TENM2: variants seen among roughly 807,000 people sequenced by gnomAD.
The protein encoded by TENM2 is teneurin transmembrane protein 2.
A neutral mutation model predicts 245.2 loss-of-function variants in TENM2; 52 were observed. The observed-to-expected ratio is 0.21, with a 90% CI of 0.17 to 0.27. The LOEUF (loss-of-function observed/expected upper bound fraction) is 0.27. Among genes scored for constraint, TENM2 ranks in the 10% least tolerant of loss-of-function variants. The pLI is 1.00. For synonymous variants in TENM2, 1,363 were observed against 1,438.9 expected, an observed-to-expected ratio of 0.95 and a Z score of 1.19; for missense variants, 3,046 against 3,666.8, an observed-to-expected ratio of 0.83 and a Z score of 4.37.
chr5:168,238,485 A>G (rs2152670817), intron 25 of TENM2, among the ~76,000 whole-genome samples: 1 of 152,234 alleles, frequency 6.6e-6, no homozygotes, highest in East Asian at 1.9e-4. Context: ...TCAAAGCAGG[A>G]TGGGCAAAGG....
intron 1 of TENM2, among the ~76,000 whole-genome samples, chr5:167,348,593 G>C (rs1234231827): frequency 6.6e-6 from 1 of 152,118 alleles, no homozygotes; most frequent in Non-Finnish European, 1.5e-5. Flanking sequence ...CAGTCTACAG[G>C]ATTAAAAAAC....
At chr5:167,391,647 A>AAAAAAAAAAAAAAAAAAAAAAAAAAAT (rs70976420) in intron 2 of TENM2, among the ~76,000 whole-genome samples, 2 of 126,838 alleles carry the variant, frequency 1.6e-5, no homozygotes. Context: ...AAAAAAAAAA[A>AAAAAAAAAAAAAAAAAAAAAAAAAAAT]GCACTCTCAA....
In TENM2 at chr5:167,541,547, A is replaced by C. The variant is rs901829156; in HGVS notation, c.502+166074A>C. On this transcript the variant is annotated intron_variant, in intron 2 of 28. Transcript: ENST00000518659. ...TTAATCAACACACACACACATAAAGAGAGATAGCCGTCTCACTTCAGTGTT... is the reference window on the plus strand; with the variant it reads ...TTAATCAACACACACACACATAAAGCGAGATAGCCGTCTCACTTCAGTGTT... Among the ~76,000 whole-genome samples, 3 of 152,194 alleles carry C rather than the reference A, an allele frequency of 2.0e-5. No individual in the cohort carries two copies. In the East Asian group the frequency reaches 5.8e-4, roughly 29 times the overall value.
chr5:168,146,931 C>T (rs1244499168), intron 12 of TENM2, among the ~76,000 whole-genome samples: 3 of 152,224 alleles, frequency 2.0e-5, no homozygotes, highest in Non-Finnish European at 2.9e-5. Context: ...TCAGGGGACC[C>T]CCCCTTCACC....
the TENM2 span, among the ~76,000 whole-genome samples, chr5:167,128,990 A>T: frequency 6.6e-6 from 1 of 152,190 alleles, no homozygotes; most frequent in African/African-American, 2.4e-5. Flanking sequence ...TCTGATAGTG[A>T]GTTCTGGTCT....
intron 1 of TENM2, among the ~76,000 whole-genome samples, chr5:167,312,177 A>G (rs922617443): frequency 7.9e-5 from 12 of 152,216 alleles, no homozygotes; most frequent in Non-Finnish European, 1.5e-4. Context: ...CACATGTAAC[A>G]TATTACACAT....
At chr5:167,430,566 T>C (rs1361551083) in intron 2 of TENM2, among the ~76,000 whole-genome samples, 1 of 152,160 alleles carries the variant, frequency 6.6e-6, no homozygotes, top group East Asian at 1.9e-4. Context: ...TTAGCTATTC[T>C]CCGCTGGAAG....
the TENM2 span, among the ~76,000 whole-genome samples, chr5:166,996,890 A>G: frequency 6.6e-6 from 1 of 152,330 alleles, no homozygotes; most frequent in South Asian, 2.1e-4. Context: ...CTGATCCATG[A>G]AGGCAAGTTG....
intron 2 of TENM2, among the ~76,000 whole-genome samples, chr5:167,477,761 A>G (rs895764378): frequency 1.3e-5 from 2 of 152,166 alleles, no homozygotes; most frequent in Non-Finnish European, 2.9e-5. Context: ...GCCCACCAAA[A>G]AAATAGAGGA....
At chr5:167,777,396 AATTT>A (rs1434680083) in intron 2 of TENM2, among the ~76,000 whole-genome samples, 6 of 152,384 alleles carry the variant, frequency 3.9e-5, no homozygotes, top group African/African-American at 9.6e-5. Flanking sequence ...TCATTTAATT[AATTT>A]ATTTTTTAAT....
At chr5:167,484,082 C>T (rs756430986) in intron 2 of TENM2, among the ~76,000 whole-genome samples, 5 of 152,136 alleles carry the variant, frequency 3.3e-5, no homozygotes, top group Non-Finnish European at 5.9e-5. Flanking sequence ...CGTGGTGGCT[C>T]ACGCCTGTAA....
intron 2 of TENM2, among the ~76,000 whole-genome samples, chr5:167,563,958 T>G (rs2080975): frequency 0.57 from 86,972 of 151,646 alleles, 25,668 homozygotes; most frequent in Middle Eastern, 0.69. Flanking sequence ...GCCTAAGGAT[T>G]CATGTCTCAG....
intron 2 of TENM2, among the ~76,000 whole-genome samples, chr5:167,815,254 G>A (rs577075238): frequency 1.3e-5 from 2 of 152,130 alleles, no homozygotes; most frequent in African/African-American, 2.4e-5. Context: ...CACCTCAAAA[G>A]AGTGGACGCT....
intron 7 of TENM2, among the ~76,000 whole-genome samples, chr5:168,083,587 CAAGTCTCCCACTCTT>C (rs1792188000): frequency 6.6e-6 from 1 of 152,122 alleles, no homozygotes; most frequent in Non-Finnish European, 1.5e-5. Flanking sequence ...ACTCCAGTGA[CAAGTCTCCCACTCTT>C]AAGTGTTGGA....
chr5:167,724,620 G>A (rs1759863812), intron 2 of TENM2, among the ~76,000 whole-genome samples: 1 of 152,084 alleles, frequency 6.6e-6, no homozygotes, highest in South Asian at 2.1e-4. Context: ...TAGGCCCAGG[G>A]AAATGAAATA....
intron 2 of TENM2, among the ~76,000 whole-genome samples, chr5:167,667,392 T>A (rs1417428731): frequency 1.3e-5 from 2 of 152,160 alleles, no homozygotes; most frequent in Admixed American, 1.3e-4. Context: ...GCATCTCTCT[T>A]TTTTCATCAG....
chr5:167,022,404 AGATG>A, the TENM2 span, among the ~76,000 whole-genome samples: 1 of 152,238 alleles, frequency 6.6e-6, no homozygotes, highest in African/African-American at 2.4e-5. Flanking sequence ...CATGGTTAAA[AGATG>A]GATTTCAGAG....
chr5:166,990,465 C>T, the TENM2 span, among the ~76,000 whole-genome samples: 1 of 152,116 alleles, frequency 6.6e-6, no homozygotes, highest in Non-Finnish European at 1.5e-5. Context: ...AATAATCCGG[C>T]TGGCTGAATT....
At chr5:167,785,722 A>G (rs1764531217) in intron 2 of TENM2, among the ~76,000 whole-genome samples, 1 of 152,238 alleles carries the variant, frequency 6.6e-6, no homozygotes, top group African/African-American at 2.4e-5. Context: ...TTACAAATTC[A>G]GACTTTAGAA....
Sources: gnomAD v4.1 joint callset for allele counts (sites outside exome capture counted in the v4.1 genomes callset) on GRCh38, gnomAD v4.1.1 for gene constraint, MANE v1.5 for transcripts, NCBI Gene and HGNC (gene_info 2026-07-23, HGNC 2026-07-21) for gene names.